NTRK2: variants seen among roughly 807,000 people sequenced by gnomAD.
NTRK2 encodes the protein BDNF/NT-3 growth factors receptor.
Under a neutral mutation model 94.5 loss-of-function variants are expected in NTRK2, and 13 were observed. The observed-to-expected ratio is 0.14, with a 90% CI of 0.09 to 0.22. The LOEUF is 0.22. Among genes scored for constraint, NTRK2 ranks in the 10% least tolerant of loss-of-function variants. NTRK2 has a pLI of 1.00. For missense variants in NTRK2, 639 were observed against 1,071.2 expected (o/e 0.60, Z 5.63); for synonymous variants, 372 against 407.4 (o/e 0.91, Z 1.05).
chr9:84,824,834 G>A (rs1318872161), intron 12 of NTRK2, among the ~76,000 whole-genome samples: 2 of 152,066 alleles, frequency 1.3e-5, no homozygotes, highest in African/African-American at 4.8e-5. Flanking sequence ...AGAGCTTAAA[G>A]CTATTCATGG....
chr9:84,670,774 G>T lies in NTRK2; in HGVS notation c.26G>T (p.Gly9Val), dbSNP rs1421322179. 3.1e-6 allele frequency: 5 copies of T among 1,613,566 alleles called. No individual in the cohort carries two copies. The highest frequency in any genetic ancestry group is 4.2e-6 in the Non-Finnish European group (5 of 1,180,044). The change falls in exon 2 of 19, where the codon GGA (glycine) becomes GTA (valine). Residue 9 changes from glycine to valine, a missense_variant. Gly to Val is a moderately radical substitution (Grantham distance 109). Transcript: ENST00000277120. MSSWIRWH[G>V]PAMARLWGFC... Reference sequence around the variant, plus strand: ...ATGTCGTCCTGGATAAGGTGGCATGGACCCGCCATGGCGCGGCTCTGGGGC... The same window carrying T: ...ATGTCGTCCTGGATAAGGTGGCATGTACCCGCCATGGCGCGGCTCTGGGGC...
At chr9:84,960,350 T>A (rs1329842005) in intron 17 of NTRK2, among the ~76,000 whole-genome samples, 1 of 152,190 alleles carries the variant, frequency 6.6e-6, no homozygotes, top group Non-Finnish European at 1.5e-5. Flanking sequence ...CAAGGGTTGA[T>A]GAACTGGAAA....
rs201465451 is a variant in NTRK2, at chr9:84,875,145, A to G, written c.1633+7714A>G. Reference sequence around the variant, plus strand: ...TATCCTTTTAATCTCTTGTAATATAAAGTCTGACCATATGTGTCCTTGCAT... The same window carrying G: ...TATCCTTTTAATCTCTTGTAATATAGAGTCTGACCATATGTGTCCTTGCAT... On this transcript the variant is annotated intron_variant, in intron 14 of 18. Transcript: ENST00000277120. The G allele has an allele frequency of 4.7e-6, 5 of 1,059,678 alleles. No homozygotes were observed. In the African/African-American group the frequency reaches 8.2e-5, roughly 17 times the overall value. 65.6% of individuals were successfully genotyped at this position (1,059,678 alleles called of 1,614,324 possible).
At chr9:84,756,453 G>A (rs1020214994) in intron 12 of NTRK2, among the ~76,000 whole-genome samples, 3 of 152,132 alleles carry the variant, frequency 2.0e-5, no homozygotes, top group Non-Finnish European at 4.4e-5. Flanking sequence ...CATTGATGGT[G>A]TACAGGGTTG....
intron 14 of NTRK2, chr9:84,877,930 C>T (rs2076130567): frequency 9.9e-7 from 1 of 1,015,094 alleles, no homozygotes; most frequent in African/African-American, 1.7e-5. Flanking sequence ...TCGTCACCTG[C>T]TAATACTTTT....
At chr9:84,806,160 TG>T (rs2071086815) in intron 12 of NTRK2, among the ~76,000 whole-genome samples, 1 of 152,196 alleles carries the variant, frequency 6.6e-6, no homozygotes, top group African/African-American at 2.4e-5. Flanking sequence ...GTGCTCCCTC[TG>T]TCCTCCTGTG....
In NTRK2 at chr9:85,020,257, A is replaced by G. The variant is rs2117934335; in HGVS notation, c.2224A>G (p.Met742Val). 6.2e-7 allele frequency: 1 copy of G among 1,614,078 alleles called. No individual in the cohort carries two copies. Among genetic ancestry groups the G allele is most frequent in the Non-Finnish European group, 8.5e-7 (1 of 1,179,994 alleles). The change falls in exon 18 of 19, where the codon ATG (methionine) becomes GTG (valine). Residue 742 changes from methionine (M) to valine (V), a missense_variant. Met to Val is a conservative substitution (Grantham distance 21). This residue lies in a region of NTRK2 where 77 missense variants were observed against 203.6 expected (regional missense o/e 0.38). Coordinates refer to ENST00000277120, the MANE Select transcript of NTRK2 (RefSeq NM_006180.6). ...TCGCTGGATGCCTCCAGAGAGCATC[A>G]TGTACAGGAAATTCACGACGGAAAG... is the stretch of plus-strand genomic sequence containing the variant. ...PIRWMPPESI[M>V]YRKFTTESDV...
chr9:84,806,742 G>A (rs2071162625), intron 12 of NTRK2, among the ~76,000 whole-genome samples: 1 of 152,230 alleles, frequency 6.6e-6, no homozygotes, highest in African/African-American at 2.4e-5. Context: ...ATCAAATTAA[G>A]ACAATAGGTG....
At chr9:84,955,235 A>G (rs1171923703) in intron 16 of NTRK2, 48 bp from the exon 17 acceptor site, 3 of 1,486,120 alleles carry the variant, frequency 2.0e-6, no homozygotes, top group South Asian at 1.2e-5. Flanking sequence ...GGGCCCCTGG[A>G]GTGAAAATGC....
intron 15 of NTRK2, among the ~76,000 whole-genome samples, chr9:84,943,276 C>T (rs1416544162): frequency 6.6e-6 from 1 of 152,186 alleles, no homozygotes; most frequent in Non-Finnish European, 1.5e-5. Context: ...TTCAAATAAG[C>T]CCTCTTGCCT....
intron 12 of NTRK2, among the ~76,000 whole-genome samples, chr9:84,790,001 C>T (rs2068561557): frequency 6.6e-6 from 1 of 152,210 alleles, no homozygotes; most frequent in African/African-American, 2.4e-5. Flanking sequence ...ACTTATTCTC[C>T]TGTCTACATT....
chr9:84,767,822 A>G (rs756403440), intron 12 of NTRK2, among the ~76,000 whole-genome samples: 1 of 152,134 alleles, frequency 6.6e-6, no homozygotes, highest in African/African-American at 2.4e-5. Flanking sequence ...TTAATTCTTC[A>G]TTACTGTCAT....
chr9:84,835,521 CAACAACAAG>C (rs1398745806), intron 12 of NTRK2, among the ~76,000 whole-genome samples: 13 of 152,028 alleles, frequency 8.6e-5, no homozygotes, highest in African/African-American at 1.9e-4. Context: ...ACAGAGATAA[CAACAACAAG>C]AACAACAAGA....
chr9:84,702,435 T>C lies in NTRK2; in HGVS notation c.359+16T>C. The C allele has an allele frequency of 6.2e-7, 1 of 1,607,228 alleles. No individual in the cohort carries two copies. The highest frequency in any genetic ancestry group is 8.5e-7 in the Non-Finnish European group (1 of 1,173,604). ...TGCAGCACATGTAAGTAGAGATTGA[T>C]TCTTTTGCTTCCCAGGACCCATTTT... On this transcript the variant is annotated intron_variant, in intron 4 of 18. Coordinates refer to ENST00000277120, the MANE Select transcript of NTRK2 (RefSeq NM_006180.6).
At chr9:84,968,911 T>C (rs1825869459) in intron 17 of NTRK2, among the ~76,000 whole-genome samples, 2 of 152,220 alleles carry the variant, frequency 1.3e-5, no homozygotes, top group Admixed American at 6.5e-5. Context: ...AATCCAAAGA[T>C]GGGTTCCAAA....
At chr9:84,765,779 G>A (rs971365842) in intron 12 of NTRK2, among the ~76,000 whole-genome samples, 2 of 151,990 alleles carry the variant, frequency 1.3e-5, no homozygotes, top group African/African-American at 4.8e-5. Context: ...GGTGCTCAGG[G>A]ACTAACATTT....
intron 12 of NTRK2, among the ~76,000 whole-genome samples, chr9:84,771,951 AT>A (rs897247365): frequency 5.3e-5 from 8 of 152,150 alleles, no homozygotes; most frequent in African/African-American, 1.9e-4. Context: ...TTTTTATTGT[AT>A]TTTTGCCTTT....
chr9:84,971,064 T>G (rs916685041), intron 17 of NTRK2, among the ~76,000 whole-genome samples: 2 of 152,252 alleles, frequency 1.3e-5, no homozygotes, highest in African/African-American at 4.8e-5. Flanking sequence ...TGTTTAGCTA[T>G]GCTTGAAGAC....
At chr9:84,721,053 G>T (rs1485503957) in intron 6 of NTRK2, among the ~76,000 whole-genome samples, 1 of 152,110 alleles carries the variant, frequency 6.6e-6, no homozygotes, top group Non-Finnish European at 1.5e-5. Context: ...CTTTCATAGT[G>T]GTACATATAA....
Sources: allele counts gnomAD v4.1 joint callset (sites outside exome capture counted in the v4.1 genomes callset), GRCh38; gene constraint gnomAD v4.1.1; regional missense constraint gnomAD v4.1.1; transcripts MANE v1.5; gene names NCBI Gene and HGNC (gene_info 2026-07-23, HGNC 2026-07-21).